The following GON4L variants were observed in gnomAD, a reference collection of about 807,000 sequenced individuals.
The protein encoded by GON4L is GON-4-like protein.
In GON4L, 87 loss-of-function variants were observed where a neutral mutation model predicts 211.8. The ratio of observed to expected loss-of-function variants is 0.41; its 90% CI spans 0.35 to 0.49. The LOEUF (loss-of-function observed/expected upper bound fraction) is 0.49. Among genes scored for constraint, GON4L ranks in the 20% least tolerant of loss-of-function variants. GON4L has a pLI of 0.15. For missense variants in GON4L, 2,155 were observed against 2,659.5 expected, an observed-to-expected ratio of 0.81 and a Z score of 4.17; for synonymous variants, 875 against 962.6, an observed-to-expected ratio of 0.91 and a Z score of 1.68.
Position 155,774,742 on chromosome 1 carries a change from T to G in GON4L, c.2350+260A>C, listed in dbSNP as rs946028577. 1.1e-5 allele frequency: 6 copies of G among 566,024 alleles called. No individual in the cohort carries two copies. The Admixed American group carries it at 1.5e-4, about 14-fold the overall frequency. The allele number at this position is 566,024 out of a possible 1,614,324, so 35.1% of individuals were successfully genotyped here. A position where few individuals can be genotyped will look rare whatever the true frequency, so the allele number is the denominator to read the frequency against. ...CCCTCATATTGCTGTAGTCCAATTC[T>G]TAGCACTGAGCCTCAGATCTCTACC... On this transcript the variant is annotated intron_variant, in intron 17 of 31. Coordinates refer to ENST00000368331, the MANE Select transcript of GON4L (RefSeq NM_001282860.2).
intron 1 of GON4L, among the ~76,000 whole-genome samples, chr1:155,856,503 T>TTAGAGGCCTCCCAA (rs1205408606): frequency 1.3e-5 from 2 of 151,948 alleles, no homozygotes; most frequent in Non-Finnish European, 2.9e-5. Flanking sequence ...CCCAAAGTGC[T>TTAGAGGCCTCCCAA]AGGATTAGAG....
chr1:155,819,927 G>GT, intron 6 of GON4L, among the ~76,000 whole-genome samples: 1 of 151,910 alleles, frequency 6.6e-6, no homozygotes, highest in Non-Finnish European at 1.5e-5. Context: ...GTTTGTTTTT[G>GT]TTTTTTTGAG....
chr1:155,810,605 G>A (rs1667663603), intron 10 of GON4L, among the ~76,000 whole-genome samples: 1 of 151,754 alleles, frequency 6.6e-6, no homozygotes, highest in South Asian at 2.1e-4. Flanking sequence ...TACTCGGGAG[G>A]CTGAGGCAGT....
chr1:155,815,699 C>T, intron 8 of GON4L, 106 bp downstream of exon 8: 1 of 737,418 alleles, frequency 1.4e-6, no homozygotes. Flanking sequence ...CAGAAATGAG[C>T]TGAAAAAAGA....
At chr1:155,754,965 G>A (rs1340886906) in intron 27 of GON4L, among the ~76,000 whole-genome samples, 2 of 144,098 alleles carry the variant, frequency 1.4e-5, no homozygotes, top group Non-Finnish European at 3.0e-5. Flanking sequence ...AGAGTGCAGT[G>A]TCACATTCAT....
Position 155,765,971 on chromosome 1 carries a change from T to G in GON4L, c.3502A>C (p.Asn1168His). Reference sequence around the variant, plus strand: ...TGGGGACTCTGGGCCACAGCCGCATTGACAGGCTGGATCATGTTACAGCCA... The same window carrying G: ...TGGGGACTCTGGGCCACAGCCGCATGGACAGGCTGGATCATGTTACAGCCA... ...GGGCNMIQPV[N>H]AAVAQSPQTI... Residue 1168 changes from asparagine to histidine, a missense_variant, in exon 21 of 32, where the codon AAT becomes CAT. Physicochemically the swap from Asn to His is moderately conservative, Grantham distance 68 (BLOSUM62 1). Around this residue, in one of 6 missense-constraint regions of GON4L, gnomAD observed 615 missense variants for 625.7 expected, o/e 0.98. Transcript: ENST00000368331. 6.2e-7 allele frequency: 1 copy of G among 1,614,106 alleles called. No homozygotes were observed. Among genetic ancestry groups the G allele is most frequent in the East Asian group, 2.2e-5 (1 of 44,872 alleles).
chr1:155,830,279 A>AT (rs879738389), intron 2 of GON4L, among the ~76,000 whole-genome samples: 81 of 140,322 alleles, frequency 5.8e-4, no homozygotes, highest in Middle Eastern at 8.1e-3. Context: ...AGCAGTTCCA[A>AT]TTTTTTTTTT....
At chr1:155,843,139 T>C (rs952589125) in intron 2 of GON4L, among the ~76,000 whole-genome samples, 5 of 152,188 alleles carry the variant, frequency 3.3e-5, no homozygotes, top group South Asian at 2.1e-4. Context: ...CTTGTCCTTA[T>C]TGAGTATAGG....
At position 155,784,102 on chromosome 1, in the gene GON4L, G is replaced by T. The variant is rs545325546; in HGVS notation, c.1789-13C>A. The T allele has an allele frequency of 6.2e-7, 1 of 1,613,418 alleles. No individual in the cohort carries two copies. The highest frequency in any genetic ancestry group is 1.1e-5 in the South Asian group (1 of 91,066). Reference sequence around the variant, plus strand: ...TCTCATCTTGGAACTGTGGGCAAAGGAAAGGGAGGGTTTTCCTGGGGAATG... The same window carrying T: ...TCTCATCTTGGAACTGTGGGCAAAGTAAAGGGAGGGTTTTCCTGGGGAATG... On this transcript the variant is annotated splice_polypyrimidine_tract_variant and intron_variant, in intron 13 of 31. Coordinates refer to ENST00000368331, the MANE Select transcript of GON4L (RefSeq NM_001282860.2).
chr1:155,787,599 C>T (rs1013039818), intron 12 of GON4L, among the ~76,000 whole-genome samples: 1 of 152,078 alleles, frequency 6.6e-6, no homozygotes, highest in Non-Finnish European at 1.5e-5. Flanking sequence ...ATGGTGAAAC[C>T]CCGTCTCTAC....
rs753048724 is a variant in GON4L, at chr1:155,757,199, G to A, written c.5378C>T (p.Thr1793Ile). The A allele has an allele frequency of 1.2e-6, 2 of 1,613,864 alleles. No individual in the cohort carries two copies. The highest frequency in any genetic ancestry group is 3.3e-5 in the Admixed American group (2 of 60,002). ...CTATACCTCATACTCCTTTTCCTCA[G>A]TCCAATTGATCTCTTCAAAGTCACC... is the stretch of plus-strand genomic sequence containing the variant. ...RMGDFEEINW[T>I]EEKEYEFDGF... is the part of the protein sequence containing the mutation. Residue 1793 changes from threonine (T) to isoleucine (I), a missense_variant, in exon 26 of 32, where the codon ACT becomes ATT. Physicochemically the swap from Thr to Ile is moderately conservative, Grantham distance 89. Coordinates refer to ENST00000368331, the MANE Select transcript of GON4L (RefSeq NM_001282860.2).
chr1:155,823,824 C>T lies in GON4L; in HGVS notation c.698-1348G>A, dbSNP rs570651211. ...AGGAGAATCACTTGAACCCAGGAGA[C>T]GGAGGTTGCAGTGAGCCGAGATCAC... On this transcript the variant is annotated intron_variant, in intron 3 of 31. Transcript: ENST00000368331. Among the ~76,000 whole-genome samples, 15 of 149,714 alleles carry T rather than the reference C, an allele frequency of 1.0e-4. No individual in the cohort carries two copies. In the East Asian group the frequency reaches 2.4e-3, roughly 24 times the overall value.
chr1:155,821,284 T>A (rs7537110), intron 5 of GON4L, among the ~76,000 whole-genome samples, 190 bp downstream of exon 5: 10,536 of 150,896 alleles, frequency 0.07, 470 homozygotes, highest in African/African-American at 0.13. Context: ...ATAATAATAA[T>A]AAAATAATAA....
At chr1:155,849,857 G>A (rs1671620846) in intron 2 of GON4L, among the ~76,000 whole-genome samples, 1 of 149,494 alleles carries the variant, frequency 6.7e-6, no homozygotes, top group Non-Finnish European at 1.5e-5. Context: ...TCCTGAATTA[G>A]TAGTTGAACT....
At chr1:155,784,919 C>T in intron 13 of GON4L, 1 of 308,118 alleles carries the variant, frequency 3.2e-6, no homozygotes, top group Non-Finnish European at 6.4e-6. Flanking sequence ...TCCAGAACAA[C>T]CTGAGCAATG....
rs1484949670 is a variant in GON4L at position 155,779,164 on chromosome 1, G to A, written c.1893-1344C>T. Among the ~76,000 whole-genome samples the A allele has an allele frequency of 3.4e-5, 5 of 147,528 alleles. No homozygotes were observed. The Admixed American group carries it at 3.4e-4, about 10-fold the overall frequency. ...AGCTACTCAGGAGGCTGAGGCAGGA[G>A]AATGGCGTGAACCCAGAAGGTGGAG... is the stretch of plus-strand genomic sequence containing the variant. On this transcript the variant is annotated intron_variant, in intron 14 of 31. Transcript: ENST00000368331.
chr1:155,854,641 A>T (rs1407079417), intron 1 of GON4L, among the ~76,000 whole-genome samples: 2 of 152,190 alleles, frequency 1.3e-5, no homozygotes, highest in Non-Finnish European at 2.9e-5. Context: ...ACTTCATTAG[A>T]TGGTAAATGA....
At chr1:155,775,608 G>A (rs1165851757) in intron 16 of GON4L, among the ~76,000 whole-genome samples, 12 of 151,562 alleles carry the variant, frequency 7.9e-5, no homozygotes, top group Non-Finnish European at 1.6e-4. Flanking sequence ...ACAGGCGCCC[G>A]CTACCACGCC....
chr1:155,848,381 C>CT (rs1331585035), intron 2 of GON4L, among the ~76,000 whole-genome samples: 2 of 152,170 alleles, frequency 1.3e-5, no homozygotes, highest in East Asian at 3.8e-4. Context: ...TTAATCATTT[C>CT]TTTGTAATGT....
Sources: allele counts gnomAD v4.1 joint callset (sites outside exome capture counted in the v4.1 genomes callset), GRCh38; gene constraint gnomAD v4.1.1; regional missense constraint gnomAD v4.1.1; transcripts MANE v1.5; gene names NCBI Gene and HGNC (gene_info 2026-07-23, HGNC 2026-07-21).